The following CFAP299 variants were observed in gnomAD, a reference collection of about 807,000 sequenced individuals.
CFAP299 encodes the protein cilia- and flagella-associated protein 299.
CFAP299 carries 21 observed loss-of-function variants against 27.0 expected under a neutral mutation model. That is an observed-to-expected ratio of 0.78 (90% CI 0.55 to 1.12). CFAP299 has a LOEUF of 1.12. Among genes scored for constraint, CFAP299 ranks in the 50% most tolerant of loss-of-function variants. The pLI, the probability that CFAP299 is intolerant of heterozygous loss-of-function variation, is 0.00. For synonymous variants in CFAP299, 104 were observed against 98.1 expected (o/e 1.06, Z -0.36); for missense variants, 310 against 276.6 (o/e 1.12, Z -0.86).
chr4:80,391,015 GTATATATGTATATATGTATACA>G (rs1725448590), intron 2 of CFAP299, among the ~76,000 whole-genome samples: 1 of 96,786 alleles, frequency 1.0e-5, no homozygotes, highest in South Asian at 4.2e-4. Flanking sequence ...GTACACACAT[GTATATATGTATATATGTATACA>G]CACACACATA....
chr4:80,797,099 C>A (rs958127495), intron 3 of CFAP299, among the ~76,000 whole-genome samples: 2 of 152,126 alleles, frequency 1.3e-5, no homozygotes. Flanking sequence ...GGATCAATGT[C>A]ATCTCAGAGT....
intron 3 of CFAP299, among the ~76,000 whole-genome samples, chr4:80,589,669 A>C: frequency 6.6e-6 from 1 of 152,218 alleles, no homozygotes; most frequent in East Asian, 1.9e-4. Flanking sequence ...GAGGAAGCCA[A>C]ATAGTTCAAT....
At chr4:80,437,245 G>T (rs1578441546) in intron 2 of CFAP299, among the ~76,000 whole-genome samples, 1 of 152,104 alleles carries the variant, frequency 6.6e-6, no homozygotes, top group Admixed American at 6.5e-5. Context: ...ATCATTGCTA[G>T]TGCTGATGTA....
intron 1 of CFAP299, chr4:80,336,434 AT>A (rs1003675895): frequency 1.3e-5 from 2 of 152,870 alleles, no homozygotes; most frequent in Non-Finnish European, 2.9e-5. Flanking sequence ...GTGCAGACAT[AT>A]TCCTGATTCA....
At chr4:80,862,510 T>C (rs1732445937) in intron 3 of CFAP299, among the ~76,000 whole-genome samples, 1 of 152,204 alleles carries the variant, frequency 6.6e-6, no homozygotes. Context: ...GCCAGCTATA[T>C]GCAAAATTCT....
At chr4:80,411,517 AT>A (rs1395146750) in intron 2 of CFAP299, among the ~76,000 whole-genome samples, 1 of 152,098 alleles carries the variant, frequency 6.6e-6, no homozygotes, top group Non-Finnish European at 1.5e-5. Context: ...ATGCTATAGT[AT>A]TTATTGTCTT....
rs538437428 is a variant in CFAP299, at chr4:80,821,285, CTT to C, written c.334-48707_334-48706del. On this transcript the variant is annotated intron_variant, in intron 3 of 5. Coordinates refer to ENST00000358105, the MANE Select transcript of CFAP299 (RefSeq NM_152770.3). Reference sequence around the variant, plus strand: ...TTGATAAGAAAGCTTCATTCTTGTTCTTGAGTCACTGAAAACGTTAAGTTGAA... The same window carrying C: ...TTGATAAGAAAGCTTCATTCTTGTTCGAGTCACTGAAAACGTTAAGTTGAA... Among the ~76,000 whole-genome samples the C allele has an allele frequency of 2.5e-3, 380 of 152,240 alleles. 1 individual carries two copies. The highest frequency in any genetic ancestry group is 8.6e-3 in the African/African-American group (359 of 41,544).
chr4:80,643,342 A>G (rs906682016), intron 3 of CFAP299, among the ~76,000 whole-genome samples: 1 of 152,134 alleles, frequency 6.6e-6, no homozygotes, highest in African/African-American at 2.4e-5. Context: ...TCAAGAAATA[A>G]GAGAAGAACT....
intron 2 of CFAP299, among the ~76,000 whole-genome samples, chr4:80,499,525 A>G (rs1021188599): frequency 2.0e-5 from 3 of 152,092 alleles, no homozygotes; most frequent in African/African-American, 2.4e-5. Context: ...TGCCTTGCTT[A>G]TCTTTTTCAT....
intron 2 of CFAP299, chr4:80,386,531 C>G (rs529672866): frequency 6.3e-7 from 1 of 1,586,230 alleles, no homozygotes. Context: ...GGGGTGCCGC[C>G]GGGTTTGCAG....
chr4:80,343,520 T>G (rs1374285144), intron 1 of CFAP299, among the ~76,000 whole-genome samples: 1 of 152,208 alleles, frequency 6.6e-6, no homozygotes, highest in Non-Finnish European at 1.5e-5. Flanking sequence ...CTGGGCATGG[T>G]GGCTCACGCC....
At chr4:80,442,528 A>T (rs1007525350) in intron 2 of CFAP299, among the ~76,000 whole-genome samples, 2 of 152,210 alleles carry the variant, frequency 1.3e-5, no homozygotes, top group Non-Finnish European at 2.9e-5. Context: ...GACACAACAT[A>T]CCAGAATCTC....
chr4:80,803,673 A>T (rs559423464), intron 3 of CFAP299, among the ~76,000 whole-genome samples: 1 of 150,794 alleles, frequency 6.6e-6, no homozygotes, highest in South Asian at 2.1e-4. Context: ...AAAGCTAGTA[A>T]AATTAATTTT....
intron 2 of CFAP299, among the ~76,000 whole-genome samples, chr4:80,526,414 AATAC>A (rs1326756664): frequency 1.3e-5 from 2 of 152,160 alleles, no homozygotes; most frequent in African/African-American, 2.4e-5. Context: ...AAATTTTACT[AATAC>A]ATACTAAATC....
chr4:80,614,049 C>T (rs1738144674), intron 3 of CFAP299, among the ~76,000 whole-genome samples: 1 of 152,088 alleles, frequency 6.6e-6, no homozygotes, highest in South Asian at 2.1e-4. Context: ...TTATTTGGAA[C>T]TGTAGTTTGT....
chr4:80,470,813 G>T (rs1560582073), intron 2 of CFAP299, among the ~76,000 whole-genome samples: 1 of 152,058 alleles, frequency 6.6e-6, no homozygotes, highest in Non-Finnish European at 1.5e-5. Context: ...AATAGGATAG[G>T]GTAGGGGTGA....
At chr4:80,581,489 T>TATATATATATATATATATATAA (rs1736172631) in intron 2 of CFAP299, among the ~76,000 whole-genome samples, 1 of 130,994 alleles carries the variant, frequency 7.6e-6, no homozygotes, top group African/African-American at 2.8e-5. Flanking sequence ...TATATATATA[T>TATATATATATATATATATATAA]GACAAGCTGA....
chr4:80,739,116 A>G (rs535376537), intron 3 of CFAP299, among the ~76,000 whole-genome samples: 15 of 152,090 alleles, frequency 9.9e-5, no homozygotes, highest in African/African-American at 3.1e-4. Context: ...TGTACTGTCC[A>G]TGTCTTGAAA....
chr4:80,841,841 T>C (rs1188657310), intron 3 of CFAP299, among the ~76,000 whole-genome samples: 1 of 152,096 alleles, frequency 6.6e-6, no homozygotes, highest in Non-Finnish European at 1.5e-5. Context: ...TGAGAGGCCT[T>C]CTTACCTCTT....
Sources: gnomAD v4.1 joint callset for allele counts (sites outside exome capture counted in the v4.1 genomes callset) on GRCh38, gnomAD v4.1.1 for gene constraint, MANE v1.5 for transcripts, NCBI Gene and HGNC (gene_info 2026-07-23, HGNC 2026-07-21) for gene names.